ULK4: variants seen among roughly 807,000 people sequenced by gnomAD.
ULK4 encodes inactive serine/threonine-protein kinase ULK4.
ULK4 carries 133 observed loss-of-function variants against 160.6 expected under a neutral mutation model. That is an observed-to-expected ratio of 0.83 (90% confidence interval 0.72 to 0.96). The LOEUF is 0.96. Ranked by LOEUF, ULK4 falls within the 40% of genes least tolerant of loss-of-function variation. The pLI is 0.00. For synonymous variants in ULK4, 534 were observed against 539.8 expected (o/e 0.99, Z 0.15); for missense variants, 1,580 against 1,499.5 (o/e 1.05, Z -0.89).
At chr3:41,839,681 A>G (rs562626862) in intron 17 of ULK4, among the ~76,000 whole-genome samples, 3 of 152,104 alleles carry the variant, frequency 2.0e-5, no homozygotes, top group Non-Finnish European at 2.9e-5. Flanking sequence ...GTCAACACAG[A>G]AAGTCCCAAA....
chr3:41,337,400 G>A (rs1015671227), intron 35 of ULK4, among the ~76,000 whole-genome samples: 7 of 152,078 alleles, frequency 4.6e-5, no homozygotes, highest in African/African-American at 1.7e-4. Flanking sequence ...GTGTAAGGGC[G>A]AGGCCTCCTC....
chr3:41,786,534 C>T (rs569618413), intron 21 of ULK4, among the ~76,000 whole-genome samples: 1 of 147,108 alleles, frequency 6.8e-6, no homozygotes, highest in Admixed American at 6.9e-5. Flanking sequence ...AAGGCCAAGG[C>T]TACAATGAGC....
chr3:41,602,314 A>G (rs1559425612), intron 31 of ULK4, among the ~76,000 whole-genome samples: 13 of 127,058 alleles, frequency 1.0e-4, no homozygotes, highest in African/African-American at 3.1e-4. Context: ...AGGAAAGGAA[A>G]GGAAAGGAGG....
At position 41,592,077 on chromosome 3, in the gene ULK4, T is replaced by C. The variant is rs59619894; in HGVS notation, c.3120+23592A>G. ...AAGCCGAGAGAACCCACAGACCCAC[T>C]GAAGGAAGCGGACTGCTCCTGCAGG... On this transcript the variant is annotated intron_variant, in intron 31 of 36. Coordinates refer to ENST00000301831, the MANE Select transcript of ULK4 (RefSeq NM_017886.4). 3.1e-3 allele frequency among the ~76,000 whole-genome samples: 477 copies of C among 152,286 alleles called. 3 individuals are homozygous for C. Among genetic ancestry groups the C allele is most frequent in the African/African-American group, 0.011 (455 of 41,562 alleles).
At chr3:41,300,837 T>TTTTA (rs1491100332) in intron 35 of ULK4, among the ~76,000 whole-genome samples, 25 of 57,872 alleles carry the variant, frequency 4.3e-4, no homozygotes, top group African/African-American at 1.0e-3. Context: ...ATTTTACAGA[T>TTTTA]TATATATATA....
intron 21 of ULK4, among the ~76,000 whole-genome samples, chr3:41,772,379 A>G (rs1248197274): frequency 2.2e-4 from 33 of 152,168 alleles, no homozygotes; most frequent in African/African-American, 7.0e-4. Context: ...AAAAAATGAT[A>G]AAGGGGATAT....
intron 34 of ULK4, among the ~76,000 whole-genome samples, chr3:41,400,088 C>A (rs1253332989): frequency 2.6e-5 from 4 of 152,058 alleles, no homozygotes; most frequent in Non-Finnish European, 5.9e-5. Context: ...TTGTAAGAAC[C>A]AATTCAGAGA....
chr3:41,735,706 T>TTATTATTATTAC (rs1386469889), intron 22 of ULK4, among the ~76,000 whole-genome samples: 1 of 149,966 alleles, frequency 6.7e-6, no homozygotes, highest in Non-Finnish European at 1.5e-5. Context: ...ATTATTATTA[T>TTATTATTATTAC]TATTATTATA....
At chr3:41,658,232 T>C (rs2035014256) in intron 30 of ULK4, among the ~76,000 whole-genome samples, 1 of 152,178 alleles carries the variant, frequency 6.6e-6, no homozygotes, top group African/African-American at 2.4e-5. Context: ...CTCTCAAAAT[T>C]ACAAATACTT....
intron 32 of ULK4, among the ~76,000 whole-genome samples, chr3:41,502,652 A>C (rs1301128940): frequency 2.0e-5 from 3 of 152,242 alleles, no homozygotes; most frequent in African/African-American, 7.2e-5. Flanking sequence ...AACATGAATG[A>C]ATCTCAAAAG....
chr3:41,887,933 A>G (rs557822635), intron 16 of ULK4, among the ~76,000 whole-genome samples: 1 of 151,862 alleles, frequency 6.6e-6, no homozygotes, highest in Admixed American at 6.6e-5. Flanking sequence ...GGAGGATGAG[A>G]TGGAAGGATC....
Position 41,736,997 on chromosome 3 carries a change from A to C in ULK4, c.2321+17364T>G, listed in dbSNP as rs1316301396. On this transcript the variant is annotated intron_variant, in intron 22 of 36. Coordinates refer to ENST00000301831, the MANE Select transcript of ULK4 (RefSeq NM_017886.4). ...TTGTCAGGTTTGTCAAAGATCAGAT[A>C]GTTGTAGATATGTGGCATTATTTCT... is the stretch of plus-strand genomic sequence containing the variant. 2.6e-5 allele frequency among the ~76,000 whole-genome samples: 4 copies of C among 151,886 alleles called. No individual in the cohort carries two copies. The East Asian group carries it at 5.8e-4, about 22-fold the overall frequency.
At chr3:41,589,492 T>G (rs2031118210) in intron 31 of ULK4, among the ~76,000 whole-genome samples, 1 of 143,798 alleles carries the variant, frequency 7.0e-6, no homozygotes, top group Non-Finnish European at 1.5e-5. Flanking sequence ...AGAGAAACAA[T>G]TCCCAGAGCT....
At chr3:41,469,614 A>C (rs1316072797) in intron 32 of ULK4, among the ~76,000 whole-genome samples, 1 of 148,040 alleles carries the variant, frequency 6.8e-6, no homozygotes, top group Non-Finnish European at 1.5e-5. Context: ...AAAAAAAAAA[A>C]AAAAAAAAAA....
chr3:41,251,469 G>A (rs939652812), intron 35 of ULK4, among the ~76,000 whole-genome samples: 2 of 152,188 alleles, frequency 1.3e-5, no homozygotes, highest in Admixed American at 6.5e-5. Flanking sequence ...GTAAATAGGA[G>A]AGGACACTGA....
chr3:41,436,914 T>C lies in ULK4; in HGVS notation c.3492+18583A>G, dbSNP rs114151725. Among the ~76,000 whole-genome samples, 878 of 152,338 alleles carry C rather than the reference T, an allele frequency of 5.8e-3. 8 individuals are homozygous for C. Among genetic ancestry groups the C allele is most frequent in the Admixed American group, 9.0e-3 (137 of 15,300 alleles). On this transcript the variant is annotated intron_variant, in intron 34 of 36. Coordinates refer to ENST00000301831, the MANE Select transcript of ULK4 (RefSeq NM_017886.4). ...GCTTTCTTATAAAAGAAAATGCTAT[T>C]CTTATCATTTCATGGATATAGCACA... is the stretch of plus-strand genomic sequence containing the variant.
Position 41,345,322 on chromosome 3 carries a change from T to C in ULK4, c.3678+52757A>G, listed in dbSNP as rs139926698. ...TCATTTTGTTATAAAGATACATGCA[T>C]GTGTATGTTCACTGCAGCACCATTC... On this transcript the variant is annotated intron_variant, in intron 35 of 36. Coordinates refer to ENST00000301831, the MANE Select transcript of ULK4 (RefSeq NM_017886.4). Among the ~76,000 whole-genome samples the C allele has an allele frequency of 8.7e-3, 1,325 of 152,298 alleles. 5 individuals carry two copies. The highest frequency in any genetic ancestry group is 0.014 in the Non-Finnish European group (959 of 68,018).
intron 31 of ULK4, among the ~76,000 whole-genome samples, chr3:41,580,979 C>T (rs2030276179): frequency 6.6e-6 from 1 of 152,098 alleles, no homozygotes; most frequent in Non-Finnish European, 1.5e-5. Context: ...TGACTACATT[C>T]AAACAAAACA....
chr3:41,922,286 G>C (rs185620375), intron 5 of ULK4, among the ~76,000 whole-genome samples: 1 of 152,146 alleles, frequency 6.6e-6, no homozygotes, highest in Non-Finnish European at 1.5e-5. Context: ...CCTGGAGTTC[G>C]ACACCAGCCT....
Sources: allele counts gnomAD v4.1 joint callset (sites outside exome capture counted in the v4.1 genomes callset), GRCh38; gene constraint gnomAD v4.1.1; transcripts MANE v1.5; gene names NCBI Gene and HGNC (gene_info 2026-07-23, HGNC 2026-07-21).